ANAPC5: variants seen among roughly 807,000 people sequenced by gnomAD.
ANAPC5 encodes the protein anaphase promoting complex subunit 5.
Under a neutral mutation model 91.3 loss-of-function variants are expected in ANAPC5, and 60 were observed. The observed-to-expected ratio is 0.66, with a 90% confidence interval of 0.53 to 0.81. The LOEUF is 0.81. Ranked by LOEUF, ANAPC5 falls within the 40% of genes least tolerant of loss-of-function variation. The pLI is 0.00. For missense variants in ANAPC5, 690 were observed against 931.5 expected (o/e 0.74, Z 3.37); for synonymous variants, 340 against 364.1 (o/e 0.93, Z 0.75).
chr12:121,318,097 T>G (rs1902442375), intron 15 of ANAPC5, 180 bp downstream of exon 15: 2 of 603,338 alleles, frequency 3.3e-6, no homozygotes, highest in Non-Finnish European at 2.5e-6. Context: ...AAGTGTCAGT[T>G]TGTCACCAGG....
At chr12:121,340,679 A>C (rs1024008811) in intron 5 of ANAPC5, among the ~76,000 whole-genome samples, 1 of 151,700 alleles carries the variant, frequency 6.6e-6, no homozygotes, top group African/African-American at 2.4e-5. Flanking sequence ...CAGCCTCCCG[A>C]GTAGCTGGGA....
intron 7 of ANAPC5, chr12:121,332,614 C>T (rs1215305133): frequency 2.6e-5 from 4 of 151,350 alleles, no homozygotes; most frequent in African/African-American, 7.3e-5. Flanking sequence ...ATCCCTAGTA[C>T]CTACAATAGT....
At position 121,318,491 on chromosome 12, in the gene ANAPC5, G is replaced by A. The variant is rs1484509094; in HGVS notation, c.1745+10C>T. 6.2e-7 allele frequency: 1 copy of A among 1,613,420 alleles called. No homozygotes were observed. The highest frequency in any genetic ancestry group is 1.7e-5 in the Admixed American group (1 of 59,846). On this transcript the variant is annotated intron_variant, in intron 14 of 16. Coordinates refer to ENST00000261819, the MANE Select transcript of ANAPC5 (RefSeq NM_016237.5). ...CCACATCTCCGTGAGATGTACAAGA[G>A]ACCCCTTACCTGATCACCATTTCTG... is the stretch of plus-strand genomic sequence containing the variant.
rs1469511864 is a variant in ANAPC5 at position 121,319,807 on chromosome 12, T to A, written c.1527A>T (p.Leu509=). The stretch of plus-strand genomic sequence containing the variant: ...TGTCAAACTGTATTTTTTGATCACA[T>A]AGCATCCATAACTAGTAAGAAAAAA... The part of the protein sequence containing the change: ...PNSQHAQLWM[L]CDQKIQFDRA... The change falls in exon 13 of 17, where the codon CTA becomes CTT. Residue 509 remains leucine, a synonymous_variant. Transcript: ENST00000261819. 2.5e-6 allele frequency: 4 copies of A among 1,603,464 alleles called. No homozygotes were observed. Among genetic ancestry groups the A allele is most frequent in the Admixed American group, 1.7e-5 (1 of 57,986 alleles).
Position 121,352,361 on chromosome 12 carries a change from C to T in ANAPC5, c.-21G>A, listed in dbSNP as rs782424843. 8 of 1,572,704 alleles carry T rather than the reference C, an allele frequency of 5.1e-6. No individual in the cohort carries two copies. The African/African-American group carries it at 6.8e-5, about 13-fold the overall frequency. On this transcript the variant is annotated 5_prime_UTR_variant, in exon 1 of 17. Transcript: ENST00000261819. Reference sequence around the variant, plus strand: ...GCCATGGCGGCCCGAGACTAAGTCTCGGGCCCGCGGCGCGCTGCCGCCAGT... The same window carrying T: ...GCCATGGCGGCCCGAGACTAAGTCTTGGGCCCGCGGCGCGCTGCCGCCAGT...
intron 11 of ANAPC5, among the ~76,000 whole-genome samples, chr12:121,322,647 ATT>A (rs35708047): frequency 0.042 from 6,384 of 152,194 alleles, 167 homozygotes; most frequent in South Asian, 0.082. Context: ...TATTTCTAAT[ATT>A]TTCCATTTAA....
chr12:121,319,067 T>C (rs983091375), intron 13 of ANAPC5, among the ~76,000 whole-genome samples: 1 of 151,886 alleles, frequency 6.6e-6, no homozygotes, highest in Admixed American at 6.6e-5. Flanking sequence ...TGTATGTGTG[T>C]ATGAATGTGT....
intron 11 of ANAPC5, chr12:121,320,932 T>C (rs970858290): frequency 1.3e-5 from 2 of 151,668 alleles, no homozygotes; most frequent in Admixed American, 1.3e-4. Context: ...GGCCATTATT[T>C]AAAGGCTAAT....
chr12:121,351,104 G>A, intron 1 of ANAPC5: 1 of 450,772 alleles, frequency 2.2e-6, no homozygotes, highest in East Asian at 7.3e-5. Context: ...GGGCGCAGTG[G>A]CTCACTCCTG....
chr12:121,313,904 A>G (rs1349996275), intron 15 of ANAPC5, among the ~76,000 whole-genome samples: 1 of 152,206 alleles, frequency 6.6e-6, no homozygotes, highest in Non-Finnish European at 1.5e-5. Context: ...TGGGGCCACT[A>G]TTACCCTAAT....
At chr12:121,335,491 G>T (rs782801975) in intron 7 of ANAPC5, 42 bp downstream of exon 7, 1 of 1,543,984 alleles carries the variant, frequency 6.5e-7, no homozygotes, top group Admixed American at 1.9e-5. Flanking sequence ...TATTGTCATC[G>T]GTTCCTTCAA....
At chr12:121,336,576 G>T (rs2136798041) in intron 6 of ANAPC5, among the ~76,000 whole-genome samples, 1 of 152,298 alleles carries the variant, frequency 6.6e-6, no homozygotes, top group South Asian at 2.1e-4. Context: ...CTACTCGAGA[G>T]GCTGAGGCAG....
chr12:121,340,779 C>G (rs1198473760), intron 5 of ANAPC5, among the ~76,000 whole-genome samples: 2 of 151,694 alleles, frequency 1.3e-5, no homozygotes, highest in Non-Finnish European at 2.9e-5. Flanking sequence ...TCAGGCTGCT[C>G]TCAAACACCT....
chr12:121,329,716 A>C (rs1442383274), intron 9 of ANAPC5, among the ~76,000 whole-genome samples: 1 of 151,750 alleles, frequency 6.6e-6, no homozygotes, highest in African/African-American at 2.4e-5. Flanking sequence ...CCCAGGTTCA[A>C]GCGACTCTCC....
intron 7 of ANAPC5, chr12:121,332,617 A>C (rs913153268): frequency 8.6e-5 from 13 of 151,470 alleles, no homozygotes; most frequent in African/African-American, 2.9e-4. Flanking sequence ...CCTAGTACCT[A>C]CAATAGTGCC....
Position 121,351,067 on chromosome 12 carries a change from T to C in ANAPC5, c.207+1067A>G, listed in dbSNP as rs144892909. ...TAATTATCTGAGCTAAACCTGTGTCTGCAAAATGAAATAACACATGACGGC... is the reference window on the plus strand; with the variant it reads ...TAATTATCTGAGCTAAACCTGTGTCCGCAAAATGAAATAACACATGACGGC... On this transcript the variant is annotated intron_variant, in intron 1 of 16. Coordinates refer to ENST00000261819, the MANE Select transcript of ANAPC5 (RefSeq NM_016237.5). 335 of 449,284 alleles carry C rather than the reference T, an allele frequency of 7.5e-4. 1 individual carries two copies. The highest frequency in any genetic ancestry group is 1.2e-3 in the Non-Finnish European group (264 of 224,004). 27.8% of individuals were successfully genotyped at this position (449,284 alleles called of 1,614,324 possible). A position where few individuals can be genotyped will look rare whatever the true frequency, so the allele number is the denominator to read the frequency against.
Position 121,331,512 on chromosome 12 carries a change from T to C in ANAPC5, c.951-84A>G, listed in dbSNP as rs955699504. ...ATAGCAGGAAGTCATCTGTACACAGTCATCCAAATGCAGGTCTCTGGGTTG... is the reference window on the plus strand; with the variant it reads ...ATAGCAGGAAGTCATCTGTACACAGCCATCCAAATGCAGGTCTCTGGGTTG... On this transcript the variant is annotated intron_variant, in intron 7 of 16. Coordinates refer to ENST00000261819, the MANE Select transcript of ANAPC5 (RefSeq NM_016237.5). 1.5e-5 allele frequency: 17 copies of C among 1,149,536 alleles called. No individual in the cohort carries two copies. The South Asian group carries it at 2.4e-4, about 16-fold the overall frequency. The allele number at this position is 1,149,536 out of a possible 1,614,324, so 71.2% of individuals were successfully genotyped here. A position where few individuals can be genotyped will look rare whatever the true frequency, so the allele number is the denominator to read the frequency against.
At chr12:121,346,170 C>G in intron 3 of ANAPC5, 139 bp from the exon 4 acceptor site, 1 of 683,656 alleles carries the variant, frequency 1.5e-6, no homozygotes, top group South Asian at 2.1e-5. Context: ...AGTTGCCATT[C>G]CCTCCTCCTG....
chr12:121,324,919 C>A (rs1555272151), intron 11 of ANAPC5, among the ~76,000 whole-genome samples: 1 of 152,134 alleles, frequency 6.6e-6, no homozygotes, highest in Non-Finnish European at 1.5e-5. Flanking sequence ...GTAATCCCAA[C>A]ACTGTGACAC....
Sources: gnomAD v4.1 joint callset for allele counts (sites outside exome capture counted in the v4.1 genomes callset) on GRCh38, gnomAD v4.1.1 for gene constraint, MANE v1.5 for transcripts, NCBI Gene and HGNC (gene_info 2026-07-23, HGNC 2026-07-21) for gene names.